Variants in SPATA31F1 observed in about 807,000 individuals in gnomAD.
SPATA31F1 encodes the protein protein SPATA31F1.
the SPATA31F1 span, chr9:34,725,820 G>A: frequency 1.3e-6 from 2 of 1,550,166 alleles, no homozygotes; most frequent in Non-Finnish European, 1.7e-6. Context: ...GGGAAGGAGA[G>A]CTCATTGAAG....
At chr9:34,726,957 G>T in the SPATA31F1 span, 3 of 1,550,520 alleles carry the variant, frequency 1.9e-6, no homozygotes, top group Admixed American at 3.9e-5. Flanking sequence ...AGGATTCGCC[G>T]CACACTTCTC....
chr9:34,723,434 G>A, the SPATA31F1 span: 12 of 1,551,606 alleles, frequency 7.7e-6, no homozygotes, highest in Admixed American at 2.0e-5. Context: ...GCACCCTGTC[G>A]GCTTCTCCGT....
chr9:34,727,120 G>C, the SPATA31F1 span: 3 of 1,420,014 alleles, frequency 2.1e-6, no homozygotes, highest in Admixed American at 2.8e-5. Flanking sequence ...TTGTCTACCT[G>C]TCTGCTTTCC....
chr9:34,723,275 C>T, the SPATA31F1 span: 3 of 1,551,740 alleles, frequency 1.9e-6, no homozygotes, highest in Non-Finnish European at 1.7e-6. Context: ...CTCTCGAGGA[C>T]AGTGACGAGG....
chr9:34,727,723 A>G, the SPATA31F1 span, among the ~76,000 whole-genome samples: 1 of 152,234 alleles, frequency 6.6e-6, no homozygotes, highest in Non-Finnish European at 1.5e-5. Flanking sequence ...TTAACTGGGT[A>G]ACTTATCTCA....
At chr9:34,723,823 T>C in the SPATA31F1 span, 3 of 1,551,594 alleles carry the variant, frequency 1.9e-6, no homozygotes, top group African/African-American at 4.1e-5. Flanking sequence ...TTTGACTGTC[T>C]TGCAGGTCCT....
chr9:34,726,722 G>A, the SPATA31F1 span: 1 of 1,551,690 alleles, frequency 6.4e-7, no homozygotes, highest in Non-Finnish European at 8.7e-7. Context: ...TGTTAATTGT[G>A]ACAGTGTTGG....
the SPATA31F1 span, chr9:34,728,508 T>G: frequency 2.6e-6 from 3 of 1,154,310 alleles, no homozygotes; most frequent in South Asian, 4.3e-5. Flanking sequence ...GAGTCTTCAG[T>G]GGCAGAGCAC....
chr9:34,725,872 C>A, the SPATA31F1 span: 2 of 1,552,112 alleles, frequency 1.3e-6, no homozygotes, highest in East Asian at 4.9e-5. Context: ...CATTTTCAAT[C>A]TTGGGGAGGC....
chr9:34,723,754 C>A, the SPATA31F1 span: 8 of 1,551,718 alleles, frequency 5.2e-6, no homozygotes, highest in Non-Finnish European at 7.0e-6. Flanking sequence ...AAGCCTGGGG[C>A]AACACAGTCT....
the SPATA31F1 span, chr9:34,725,202 T>C: frequency 1.3e-5 from 19 of 1,499,326 alleles, no homozygotes; most frequent in African/African-American, 5.7e-5. Flanking sequence ...TTGGAGTCGA[T>C]GTGGCTCTGC....
At chr9:34,728,205 T>C in the SPATA31F1 span, 1 of 803,558 alleles carries the variant, frequency 1.2e-6, no homozygotes, top group Non-Finnish European at 2.0e-6. Flanking sequence ...AAGTCCGTAC[T>C]CTAAGGCATG....
the SPATA31F1 span, chr9:34,728,489 G>A: frequency 8.9e-6 from 8 of 902,034 alleles, no homozygotes; most frequent in African/African-American, 1.4e-4. Context: ...ATTTCAGTCT[G>A]GGGAACTGGA....
the SPATA31F1 span, chr9:34,729,284 C>G: frequency 6.4e-7 from 1 of 1,551,690 alleles, no homozygotes; most frequent in Non-Finnish European, 8.7e-7. Context: ...ACAGCCCTAC[C>G]CGGCAGCAGC....
the SPATA31F1 span, chr9:34,728,692 A>G: frequency 6.5e-7 from 1 of 1,545,122 alleles, no homozygotes; most frequent in Non-Finnish European, 8.8e-7. Context: ...AAGCTGGGAC[A>G]CCATTTTCTT....
chr9:34,727,166 G>T, the SPATA31F1 span, among the ~76,000 whole-genome samples: 1 of 152,254 alleles, frequency 6.6e-6, no homozygotes, highest in Non-Finnish European at 1.5e-5. Context: ...GGTGTGGTGG[G>T]CTGGGCTGAT....
chr9:34,725,728 A>G, the SPATA31F1 span: 1 of 1,547,730 alleles, frequency 6.5e-7, no homozygotes, highest in Non-Finnish European at 8.7e-7. Context: ...GAGCTCGTTG[A>G]TGGTCAGATG....
At chr9:34,728,834 T>C in the SPATA31F1 span, among the ~76,000 whole-genome samples, 5 of 152,252 alleles carry the variant, frequency 3.3e-5, no homozygotes, top group African/African-American at 1.2e-4. Context: ...CTTCTCTGCT[T>C]ATTTTGGATT....
chr9:34,729,436 C>T, the SPATA31F1 span: 5 of 1,543,670 alleles, frequency 3.2e-6, no homozygotes, highest in Non-Finnish European at 4.4e-6. Flanking sequence ...ATGGTCTAAA[C>T]TTCATTAGCA....
Sources: gnomAD v4.1 joint callset for allele counts (sites outside exome capture counted in the v4.1 genomes callset) on GRCh38, gnomAD v4.1.1 for gene constraint, MANE v1.5 for transcripts, NCBI Gene and HGNC (gene_info 2026-07-23, HGNC 2026-07-21) for gene names.